The following GLIS3 variants were observed in gnomAD, a reference collection of about 807,000 sequenced individuals.
GLIS3 encodes the protein GLIS family zinc finger 3.
Under a neutral mutation model 78.6 loss-of-function variants are expected in GLIS3, and 53 were observed. That is an observed-to-expected ratio of 0.67 (90% CI 0.54 to 0.85). GLIS3 has a LOEUF of 0.85. Among genes scored for constraint, GLIS3 ranks in the 40% least tolerant of loss-of-function variants. The pLI, the probability that GLIS3 is intolerant of heterozygous loss-of-function variation, is 0.00. For synonymous variants in GLIS3, 684 were observed against 509.9 expected, an observed-to-expected ratio of 1.34 and a Z score of -4.60; for missense variants, 1,703 against 1,231.1, an observed-to-expected ratio of 1.38 and a Z score of -5.74.
chr9:3,893,142 T>TA (rs1457179891), intron 7 of GLIS3, among the ~76,000 whole-genome samples: 1 of 152,192 alleles, frequency 6.6e-6, no homozygotes, highest in Non-Finnish European at 1.5e-5. Flanking sequence ...AAATAACCAA[T>TA]ACTTTTCCCA....
intron 2 of GLIS3, among the ~76,000 whole-genome samples, chr9:4,168,172 C>G (rs1433158056): frequency 6.6e-6 from 1 of 152,044 alleles, no homozygotes; most frequent in African/African-American, 2.4e-5. Flanking sequence ...TCTCTTCTCT[C>G]TCTCTTACAC....
chr9:4,180,471 C>T (rs7027625), intron 2 of GLIS3, among the ~76,000 whole-genome samples: 61,120 of 151,930 alleles, frequency 0.4, 13,260 homozygotes, highest in South Asian at 0.52. Flanking sequence ...TAATTTTTTA[C>T]GGCTATTTTG....
At chr9:4,206,806 T>G (rs533047393) in intron 2 of GLIS3, among the ~76,000 whole-genome samples, 24 of 152,144 alleles carry the variant, frequency 1.6e-4, no homozygotes, top group Non-Finnish European at 2.8e-4. Context: ...AACTGTTTAT[T>G]GAAATGCGAC....
intron 2 of GLIS3, among the ~76,000 whole-genome samples, chr9:4,180,185 C>T (rs914067887): frequency 1.3e-5 from 2 of 152,080 alleles, no homozygotes; most frequent in Non-Finnish European, 2.9e-5. Context: ...GCGGTCCATG[C>T]ACAAGGAGAG....
Position 3,932,316 on chromosome 9 carries a change from C to G in GLIS3, c.1983+44G>C, listed in dbSNP as rs769942004. The G allele has an allele frequency of 3.5e-6, 5 of 1,447,768 alleles. No homozygotes were observed. The East Asian group carries it at 1.1e-4, about 33-fold the overall frequency. 89.7% of individuals were successfully genotyped at this position (1,447,768 alleles called of 1,614,324 possible). A position where few individuals can be genotyped will look rare whatever the true frequency, so the allele number is the denominator to read the frequency against. ...AAGCTTCGTGTACTACAAGAATAAT[C>G]TGAACATGCTTTTCCCGACTGGAAG... is the stretch of plus-strand genomic sequence containing the variant. On this transcript the variant is annotated intron_variant, in intron 6 of 10. Coordinates refer to ENST00000381971, the MANE Select transcript of GLIS3 (RefSeq NM_001042413.2).
intron 4 of GLIS3, among the ~76,000 whole-genome samples, chr9:3,966,131 T>C (rs1007228765): frequency 1.4e-4 from 22 of 152,218 alleles, no homozygotes; most frequent in Admixed American, 3.9e-4. Context: ...AGGGAAGATA[T>C]CTTCACCTTA....
At chr9:4,376,003 G>C in the GLIS3 span, among the ~76,000 whole-genome samples, 1 of 152,214 alleles carries the variant, frequency 6.6e-6, no homozygotes, top group South Asian at 2.1e-4. Context: ...CCTGAGCTGT[G>C]AGCTTCACAG....
At position 4,152,143 on chromosome 9, in the gene GLIS3, G is replaced by A. The variant is rs965232806; in HGVS notation, c.389-26202C>T. ...ATTAGTTGCCACTTCAGCAGCTGAT[G>A]AAAACTCTGCTTCCTCCAACACCCT... On this transcript the variant is annotated intron_variant, in intron 2 of 10. Coordinates refer to ENST00000381971, the MANE Select transcript of GLIS3 (RefSeq NM_001042413.2). 15 of 982,720 alleles carry A rather than the reference G, an allele frequency of 1.5e-5. No homozygotes were observed. The African/African-American group carries it at 2.6e-4, about 17-fold the overall frequency. The allele number at this position is 982,720 out of a possible 1,614,324, so 60.9% of individuals were successfully genotyped here.
At chr9:4,235,036 C>T (rs1563802548) in intron 2 of GLIS3, among the ~76,000 whole-genome samples, 4 of 152,072 alleles carry the variant, frequency 2.6e-5, no homozygotes, top group African/African-American at 7.2e-5. Flanking sequence ...CGGTGGCTCA[C>T]GCCTGTAATC....
intron 2 of GLIS3, among the ~76,000 whole-genome samples, chr9:4,162,412 G>T (rs1162551085): frequency 1.3e-5 from 2 of 152,128 alleles, no homozygotes; most frequent in South Asian, 2.1e-4. Context: ...CCTTTCAATT[G>T]TCACTTGGTC....
At chr9:3,899,834 T>C (rs981214329) in intron 6 of GLIS3, among the ~76,000 whole-genome samples, 3 of 152,128 alleles carry the variant, frequency 2.0e-5, no homozygotes, top group Non-Finnish European at 4.4e-5. Context: ...AAGCAGATGA[T>C]GAACAAATAA....
intron 2 of GLIS3, among the ~76,000 whole-genome samples, chr9:4,208,725 G>A (rs4741919): frequency 0.98 from 149,634 of 152,314 alleles, 73,568 homozygotes; most frequent in East Asian, 1. Flanking sequence ...GTCTAACTCT[G>A]TGTGACAAAG....
intron 2 of GLIS3, among the ~76,000 whole-genome samples, chr9:4,136,293 G>A (rs770803972): frequency 1.3e-5 from 2 of 152,150 alleles, no homozygotes; most frequent in African/African-American, 4.8e-5. Flanking sequence ...CAGAGGAGGA[G>A]GGCAATCCCT....
chr9:3,932,654 G>T, intron 5 of GLIS3, 184 bp from the exon 6 acceptor site: 1 of 566,318 alleles, frequency 1.8e-6, no homozygotes, highest in East Asian at 3.3e-5. Context: ...GTTAAGAGAA[G>T]GGTAAACTTT....
intron 2 of GLIS3, among the ~76,000 whole-genome samples, chr9:4,185,930 G>C (rs1214104521): frequency 6.6e-6 from 1 of 152,180 alleles, no homozygotes; most frequent in African/African-American, 2.4e-5. Context: ...AAAATGGAAG[G>C]ACAGTCAGAA....
At chr9:3,959,610 T>C (rs886730891) in intron 4 of GLIS3, among the ~76,000 whole-genome samples, 4 of 152,192 alleles carry the variant, frequency 2.6e-5, no homozygotes, top group African/African-American at 9.7e-5. Flanking sequence ...GCCCTGCAGC[T>C]ACTCTTCCTA....
intron 2 of GLIS3, among the ~76,000 whole-genome samples, chr9:4,143,241 T>G (rs1482002791): frequency 1.3e-5 from 2 of 150,448 alleles, no homozygotes; most frequent in African/African-American, 4.9e-5. Flanking sequence ...ACGTGTGTAT[T>G]TGTGTGTGTG....
intron 2 of GLIS3, among the ~76,000 whole-genome samples, chr9:4,268,334 T>A (rs567843818): frequency 6.6e-6 from 1 of 152,296 alleles, no homozygotes; most frequent in Admixed American, 6.5e-5. Context: ...GTACTTAAAA[T>A]AGCATCTACC....
chr9:4,385,747 AAGAAAG>A, the GLIS3 span, among the ~76,000 whole-genome samples: 7 of 60,644 alleles, frequency 1.2e-4, no homozygotes, highest in East Asian at 6.5e-4. Context: ...AAAAGAAAGA[AAGAAAG>A]AAAGAAAGAA....
Sources: gnomAD v4.1 joint callset for allele counts (sites outside exome capture counted in the v4.1 genomes callset) on GRCh38, gnomAD v4.1.1 for gene constraint, MANE v1.5 for transcripts, NCBI Gene and HGNC (gene_info 2026-07-23, HGNC 2026-07-21) for gene names.